ZNF213: variants seen among roughly 807,000 people sequenced by gnomAD.
ZNF213 encodes zinc finger protein 213.
A neutral mutation model predicts 46.0 loss-of-function variants in ZNF213; 32 were observed. The ratio of observed to expected loss-of-function variants is 0.70; its 90% CI spans 0.52 to 0.93. The LOEUF is 0.93. Ranked by LOEUF, ZNF213 falls within the 40% of genes least tolerant of loss-of-function variation. The probability of loss-of-function intolerance (pLI) is 0.00; values close to 1 mark genes in which losing one functional copy is unlikely to be tolerated. For missense variants in ZNF213, 639 were observed against 652.8 expected (o/e 0.98, Z 0.23); for synonymous variants, 297 against 271.0 (o/e 1.10, Z -0.94).
intron 1 of ZNF213, among the ~76,000 whole-genome samples, chr16:3,135,837 T>G (rs1403234033): frequency 7.0e-6 from 1 of 143,192 alleles, no homozygotes; most frequent in Non-Finnish European, 1.5e-5. Context: ...ACTTTTCTTT[T>G]CTTTCTTTTT....
rs766223391 is a variant in ZNF213, at chr16:3,141,362, C to T, written c.*15C>T. The T allele has an allele frequency of 5.9e-6, 9 of 1,526,848 alleles. No homozygotes were observed. In the South Asian group the frequency reaches 6.3e-5, roughly 11 times the overall value. 94.6% of individuals were successfully genotyped at this position (1,526,848 alleles called of 1,614,324 possible). A position where few individuals can be genotyped will look rare whatever the true frequency, so the allele number is the denominator to read the frequency against. On this transcript the variant is annotated 3_prime_UTR_variant, in exon 6 of 6. Transcript: ENST00000396878. ...CCGTGGGGTGAGCAGCTGGCTTGGC[C>T]GGAAACCCGGGGGAGGCCCAGCCAC...
intron 2 of ZNF213, chr16:3,138,071 A>T (rs939320375): frequency 8.8e-6 from 4 of 453,550 alleles, no homozygotes; most frequent in African/African-American, 8.0e-5. Context: ...ACCTTGTGGG[A>T]TGTTGGGTCC....
At position 3,140,768 on chromosome 16, in the gene ZNF213, C is replaced by T; in HGVS notation, c.801C>T (p.Asp267=). The T allele has an allele frequency of 3.2e-6, 5 of 1,578,602 alleles. No individual in the cohort carries two copies. The highest frequency in any genetic ancestry group is 4.3e-6 in the Non-Finnish European group (5 of 1,166,620). Residue 267 remains aspartate (D), a synonymous_variant, in exon 6 of 6, where the codon GAC becomes GAT. Coordinates refer to ENST00000396878, the MANE Select transcript of ZNF213 (RefSeq NM_004220.3). Reference sequence around the variant, plus strand: ...TGGTGCCAGGCCAGACAGGCAGCGACGTGACTGTGTCCTGGAGCCCCGAGG... The same window carrying T: ...TGGTGCCAGGCCAGACAGGCAGCGATGTGACTGTGTCCTGGAGCCCCGAGG... ...VPVVPGQTGS[D]VTVSWSPEEA...
At position 3,142,257 on chromosome 16, in the gene ZNF213, A is replaced by G. The variant is rs1007340788; in HGVS notation, c.*910A>G. 31 of 201,056 alleles carry G rather than the reference A, an allele frequency of 1.5e-4. No homozygotes were observed. The highest frequency in any genetic ancestry group is 2.2e-4 in the Non-Finnish European group (21 of 97,626). The allele number at this position is 201,056 out of a possible 1,614,324, so 12.5% of individuals were successfully genotyped here. On this transcript the variant is annotated 3_prime_UTR_variant, in exon 6 of 6. Coordinates refer to ENST00000396878, the MANE Select transcript of ZNF213 (RefSeq NM_004220.3). ...AATGCTCCACTCGGCGCCCCACTCCATCGGCCCCGCTCCATCGGCACTAAT... is the reference window on the plus strand; with the variant it reads ...AATGCTCCACTCGGCGCCCCACTCCGTCGGCCCCGCTCCATCGGCACTAAT...
At chr16:3,140,569 G>C in intron 5 of ZNF213, 120 bp from the exon 6 acceptor site, 1 of 1,355,082 alleles carries the variant, frequency 7.4e-7, no homozygotes, top group East Asian at 2.8e-5. Context: ...TCAGCTGTGT[G>C]AACCCAGGGC....
chr16:3,135,842 C>CTTTTTTTTTTT (rs58418648), intron 1 of ZNF213, among the ~76,000 whole-genome samples: 1 of 132,280 alleles, frequency 7.6e-6, no homozygotes, highest in Non-Finnish European at 1.6e-5. Flanking sequence ...TCTTTTCTTT[C>CTTTTTTTTTTT]TTTTTTTTTT....
chr16:3,141,534 G>A lies in ZNF213; in HGVS notation c.*187G>A. 1.6e-6 allele frequency: 1 copy of A among 629,594 alleles called. No individual in the cohort carries two copies. Among genetic ancestry groups the A allele is most frequent in the Non-Finnish European group, 2.6e-6 (1 of 384,948 alleles). The allele number at this position is 629,594 out of a possible 1,614,324, so 39.0% of individuals were successfully genotyped here. A position where few individuals can be genotyped will look rare whatever the true frequency, so the allele number is the denominator to read the frequency against. On this transcript the variant is annotated 3_prime_UTR_variant, in exon 6 of 6. Coordinates refer to ENST00000396878, the MANE Select transcript of ZNF213 (RefSeq NM_004220.3). ...ACCTGCCCAGCGCTCAAAGGGAACG[G>A]AAGCCTTCCCCTCCCGCCCCCGATC...
At position 3,141,358 on chromosome 16, in the gene ZNF213, T is replaced by C; in HGVS notation, c.*11T>C. ...CAGCCCGTGGGGTGAGCAGCTGGCT[T>C]GGCCGGAAACCCGGGGGAGGCCCAG... On this transcript the variant is annotated 3_prime_UTR_variant, in exon 6 of 6. Transcript: ENST00000396878. The C allele has an allele frequency of 6.5e-7, 1 of 1,529,978 alleles. No homozygotes were observed. Among genetic ancestry groups the C allele is most frequent in the Non-Finnish European group, 8.7e-7 (1 of 1,143,478 alleles). 94.8% of individuals were successfully genotyped at this position (1,529,978 alleles called of 1,614,324 possible). A position where few individuals can be genotyped will look rare whatever the true frequency, so the allele number is the denominator to read the frequency against.
At position 3,139,347 on chromosome 16, in the gene ZNF213, C is replaced by G. The variant is rs1024006615; in HGVS notation, c.721+249C>G. ...CAACTTCTCCTTTGAGTCTCACAAC[C>G]TAGTGCATGGAAGTATTGTCCCCAT... On this transcript the variant is annotated intron_variant, in intron 5 of 5. Transcript: ENST00000396878. The G allele has an allele frequency of 3.5e-5, 18 of 520,634 alleles. No individual in the cohort carries two copies. In the Admixed American group the frequency reaches 4.0e-4, roughly 11 times the overall value. The allele number at this position is 520,634 out of a possible 1,614,324, so 32.3% of individuals were successfully genotyped here. A position where few individuals can be genotyped will look rare whatever the true frequency, so the allele number is the denominator to read the frequency against.
rs1452351429 is a variant in ZNF213, at chr16:3,141,394, T to C, written c.*47T>C. On this transcript the variant is annotated 3_prime_UTR_variant, in exon 6 of 6. Coordinates refer to ENST00000396878, the MANE Select transcript of ZNF213 (RefSeq NM_004220.3). Reference sequence around the variant, plus strand: ...CCGGGGGAGGCCCAGCCACGGCACATCCTGCTTTGTTCACCACTGGGACTC... The same window carrying C: ...CCGGGGGAGGCCCAGCCACGGCACACCCTGCTTTGTTCACCACTGGGACTC... 3 of 1,509,406 alleles carry C rather than the reference T, an allele frequency of 2.0e-6. No individual in the cohort carries two copies. Among genetic ancestry groups the C allele is most frequent in the Non-Finnish European group, 2.6e-6 (3 of 1,135,336 alleles). The allele number at this position is 1,509,406 out of a possible 1,614,324, so 93.5% of individuals were successfully genotyped here.
chr16:3,140,111 C>T (rs1054090451), intron 5 of ZNF213: 3 of 152,264 alleles, frequency 2.0e-5, no homozygotes, highest in African/African-American at 7.2e-5. Context: ...CAGAGTGGGA[C>T]ATTGGATCCC....
intron 1 of ZNF213, 49 bp from the exon 2 acceptor site, chr16:3,137,117 G>A: frequency 5.5e-6 from 5 of 903,392 alleles, no homozygotes; most frequent in Non-Finnish European, 8.1e-6. Flanking sequence ...GTTTGCTCGT[G>A]TATTCCACAT....
At position 3,138,764 on chromosome 16, in the gene ZNF213, TAA is replaced by T. The variant is rs1455822722; in HGVS notation, c.545_546del (p.Lys182ArgfsTer67). 14 of 1,614,002 alleles carry T rather than the reference TAA, an allele frequency of 8.7e-6. No homozygotes were observed. The highest frequency in any genetic ancestry group is 1.2e-5 in the Non-Finnish European group (14 of 1,179,996). On this transcript the variant is annotated frameshift_variant, in exon 4 of 6. Transcript: ENST00000396878. LOFTEE classifies it high-confidence loss of function. Reference sequence around the variant, plus strand: ...CTTCAGCCCAGCCTCCTGCTCTTCTTAAAGAGGGTCGTCCCGGAGAGACGACG... The same window carrying T: ...CTTCAGCCCAGCCTCCTGCTCTTCTTAGAGGGTCGTCCCGGAGAGACGACG... Reference protein sequence around the residue: ...SHSAQPPALLKEGRPGETTDT... With the variant: ...SHSAQPPALLXEGRPGETTDT...
intron 2 of ZNF213, 55 bp from the exon 3 acceptor site, chr16:3,138,361 ACT>A (rs1308879851): frequency 1.2e-6 from 2 of 1,604,574 alleles, no homozygotes; most frequent in Non-Finnish European, 8.5e-7. Flanking sequence ...CAGGGAGTAA[ACT>A]CTGTCTCCCC....
intron 3 of ZNF213, 26 bp downstream of exon 3, chr16:3,138,567 C>T: frequency 6.2e-7 from 1 of 1,613,998 alleles, no homozygotes; most frequent in Non-Finnish European, 8.5e-7. Flanking sequence ...TTCTTGTGGA[C>T]AGTCGAGTGG....
chr16:3,137,529 G>A lies in ZNF213; in HGVS notation c.249G>A (p.Gln83=). The change falls in exon 2 of 6, where the codon CAG becomes CAA. Residue 83 remains glutamine (Q), a synonymous_variant. Transcript: ENST00000396878. ...WLRPELRTKE[Q]ILELLVLEQF... ...GGCCCGAGCTGCGTACCAAGGAGCA[G>A]ATCCTGGAGCTGCTGGTGCTGGAGC... 6.2e-7 allele frequency: 1 copy of A among 1,614,062 alleles called. No homozygotes were observed. The highest frequency in any genetic ancestry group is 8.5e-7 in the Non-Finnish European group (1 of 1,180,038).
At position 3,138,436 on chromosome 16, in the gene ZNF213, G is replaced by T. The variant is rs764624018; in HGVS notation, c.418G>T (p.Ala140Ser). Residue 140 changes from alanine to serine, a missense_variant, in exon 3 of 6, where the codon GCG becomes TCG. By Grantham distance (99) the Ala-to-Ser change is moderately conservative. Coordinates refer to ENST00000396878, the MANE Select transcript of ZNF213 (RefSeq NM_004220.3). Reference sequence around the variant, plus strand: ...TGCACAGGATGTGCCCTCGGAGGAGGCGGAACCCGAGGCTGCAGGCCGGGG... The same window carrying T: ...TGCACAGGATGTGCCCTCGGAGGAGTCGGAACCCGAGGCTGCAGGCCGGGG... Reference protein sequence around the residue: ...AWRQDVPSEEAEPEAAGRGSQ... With the variant: ...AWRQDVPSEESEPEAAGRGSQ... 2 of 1,613,524 alleles carry T rather than the reference G, an allele frequency of 1.2e-6. No individual in the cohort carries two copies. Among genetic ancestry groups the T allele is most frequent in the South Asian group, 1.1e-5 (1 of 91,028 alleles).
In ZNF213 at chr16:3,137,233, C is replaced by T; in HGVS notation, c.-48C>T. ...CTCTGGGAGACTGAAAGTACAGGTT[C>T]TGGGGCCCAGGTTGAAGCCGACCAA... is the stretch of plus-strand genomic sequence containing the variant. On this transcript the variant is annotated 5_prime_UTR_variant, in exon 2 of 6. Coordinates refer to ENST00000396878, the MANE Select transcript of ZNF213 (RefSeq NM_004220.3). 2 of 1,528,938 alleles carry T rather than the reference C, an allele frequency of 1.3e-6. No individual in the cohort carries two copies. The highest frequency in any genetic ancestry group is 2.3e-5 in the East Asian group (1 of 44,254). 94.7% of individuals were successfully genotyped at this position (1,528,938 alleles called of 1,614,324 possible).
Position 3,141,172 on chromosome 16 carries a change from G to T in ZNF213, c.1205G>T (p.Gly402Val). The T allele has an allele frequency of 6.2e-7, 1 of 1,612,444 alleles. No individual in the cohort carries two copies. Reference sequence around the variant, plus strand: ...ATACACACGGGCGAGAAGCCTTTCGGCTGCAGCGACTGCGGCAAGAGCTTC... The same window carrying T: ...ATACACACGGGCGAGAAGCCTTTCGTCTGCAGCGACTGCGGCAAGAGCTTC... ...QRIHTGEKPF[G>V]CSDCGKSFSL... Residue 402 changes from glycine (G) to valine (V), a missense_variant, in exon 6 of 6, where the codon GGC (glycine) becomes GTC (valine). Gly to Val is a moderately radical substitution (Grantham distance 109, BLOSUM62 -3). Transcript: ENST00000396878.
Sources: gnomAD v4.1 joint callset for allele counts (sites outside exome capture counted in the v4.1 genomes callset) on GRCh38, gnomAD v4.1.1 for gene constraint, MANE v1.5 for transcripts, NCBI Gene and HGNC (gene_info 2026-07-23, HGNC 2026-07-21) for gene names.